The following TTC31 variants were observed in gnomAD, a reference collection of about 807,000 sequenced individuals.
TTC31 encodes the protein tetratricopeptide repeat protein 31.
A neutral mutation model predicts 60.4 loss-of-function variants in TTC31; 59 were observed. The observed-to-expected ratio is 0.98, with a 90% CI of 0.79 to 1.21. The LOEUF (loss-of-function observed/expected upper bound fraction) is 1.21, where lower values mean the gene tolerates loss of function less well. Among genes scored for constraint, TTC31 ranks in the 50% most tolerant of loss-of-function variants. The pLI, the probability that TTC31 is intolerant of heterozygous loss-of-function variation, is 0.00. For synonymous variants in TTC31, 225 were observed against 249.6 expected (o/e 0.90, Z 0.93); for missense variants, 672 against 646.9 (o/e 1.04, Z -0.42).
rs1285523914 is a variant in TTC31, at chr2:74,494,300, G to A, written c.*1082G>A. 6.6e-6 allele frequency: 1 copy of A among 152,190 alleles called. No individual in the cohort carries two copies. Among genetic ancestry groups the A allele is most frequent in the Non-Finnish European group, 1.5e-5 (1 of 68,042 alleles). The allele number at this position is 152,190 out of a possible 1,614,324, so 9.4% of individuals were successfully genotyped here. A position where few individuals can be genotyped will look rare whatever the true frequency, so the allele number is the denominator to read the frequency against. ...AGGTATTGAAACATCTCCTTTATGT[G>A]TGACTTTCCCAAATTTTTAAAAATT... On this transcript the variant is annotated 3_prime_UTR_variant, in exon 13 of 13. Transcript: ENST00000233623.
At chr2:74,483,161 G>C (rs373929649) in intron 1 of TTC31, 26 bp downstream of exon 1, 2 of 1,614,088 alleles carry the variant, frequency 1.2e-6, no homozygotes, top group African/African-American at 2.7e-5. Context: ...AGACCAGTGG[G>C]GGTCTAGGAG....
Position 74,491,667 on chromosome 2 carries a change from G to A in TTC31, c.871G>A (p.Val291Ile). The A allele has an allele frequency of 6.2e-7, 1 of 1,614,012 alleles. No individual in the cohort carries two copies. Among genetic ancestry groups the A allele is most frequent in the South Asian group, 1.1e-5 (1 of 91,076 alleles). Residue 291 changes from valine (V) to isoleucine (I), a missense_variant, in exon 8 of 13, where the codon GTA becomes ATA. Coordinates refer to ENST00000233623, the MANE Select transcript of TTC31 (RefSeq NM_022492.6). Reference protein sequence around the residue: ...REERPQQSPKVQASPGLLAAA... With the variant: ...REERPQQSPKIQASPGLLAAA... ...GGAGAGGCCCCAGCAGAGTCCAAAG[G>A]TACAGGTGAGGTGGCTGAAGAACCT... is the stretch of plus-strand genomic sequence containing the variant.
At chr2:74,489,905 C>G (rs1328016966) in intron 2 of TTC31, 120 bp from the exon 3 acceptor site, 1 of 725,726 alleles carries the variant, frequency 1.4e-6, no homozygotes. Flanking sequence ...CAGTGAGAGT[C>G]TCTGGGCTGG....
intron 5 of TTC31, 100 bp downstream of exon 5, chr2:74,490,839 C>A: frequency 8.0e-7 from 1 of 1,249,248 alleles, no homozygotes; most frequent in Non-Finnish European, 1.1e-6. Flanking sequence ...AGATGGCCTG[C>A]AGTGGACTCT....
intron 2 of TTC31, among the ~76,000 whole-genome samples, chr2:74,488,459 A>G (rs980817720): frequency 1.3e-4 from 20 of 152,274 alleles, no homozygotes; most frequent in African/African-American, 4.6e-4. Context: ...GGCAAATAGG[A>G]ATGTGATCAT....
In TTC31 at chr2:74,493,030, C is replaced by T. The variant is rs767122684; in HGVS notation, c.1372C>T (p.Arg458Ter). The change falls in exon 13 of 13, where the codon CGA becomes TGA. Residue 458 changes from arginine (R) to a stop codon, truncating the protein, a stop_gained. Transcript: ENST00000233623. LOFTEE classifies it low-confidence loss of function (END_TRUNC). The stretch of plus-strand genomic sequence containing the variant: ...AGGCCTACCTTCCCTCAGGTGCCCT[C>T]GAAGCACTGCTTTGAGGTCCCCTGG... ...PSGLPSLRCP[R>*]STALRSPGLS... 29 of 1,614,028 alleles carry T rather than the reference C, an allele frequency of 1.8e-5. No individual in the cohort carries two copies. Among genetic ancestry groups the T allele is most frequent in the Admixed American group, 1.0e-4 (6 of 60,006 alleles).
chr2:74,492,009 T>G lies in TTC31; in HGVS notation c.882T>G (p.Ser294=). The change falls in exon 9 of 13, where the codon TCT becomes TCG. Residue 294 remains serine, a synonymous_variant. Transcript: ENST00000233623. The part of the protein sequence containing the change: ...RPQQSPKVQA[S]PGLLAAALQQ... ...ACTTTGCACCCTATCCCCAGGCATC[T>G]CCGGGACTGCTGGCAGCTGCCTTAC... The G allele has an allele frequency of 3.7e-6, 6 of 1,614,224 alleles. No individual in the cohort carries two copies. Among genetic ancestry groups the G allele is most frequent in the Non-Finnish European group, 5.1e-6 (6 of 1,180,028 alleles).
At chr2:74,486,265 A>G (rs1434646689) in intron 2 of TTC31, among the ~76,000 whole-genome samples, 2 of 140,252 alleles carry the variant, frequency 1.4e-5, no homozygotes, top group Non-Finnish European at 3.1e-5. Context: ...ACTCCGTCTC[A>G]AAAAAAAAAA....
rs754486148 is a variant in TTC31 at position 74,490,340 on chromosome 2, G to A, written c.329G>A (p.Arg110His). The A allele has an allele frequency of 2.5e-5, 41 of 1,613,912 alleles. No individual in the cohort carries two copies. Among genetic ancestry groups the A allele is most frequent in the Middle Eastern group, 1.6e-4 (1 of 6,082 alleles). ...GGACTGGGCACCTACTGTGGTCTCC[G>A]CAAGTCCTTCCTGTATCCTCCCCAA... ...AEGLGTYCGL[R>H]KSFLYPPQES... Residue 110 changes from arginine (R) to histidine (H), a missense_variant, in exon 4 of 13, where the codon CGC becomes CAC. Transcript: ENST00000233623.
intron 1 of TTC31, 71 bp downstream of exon 1, chr2:74,483,206 C>T (rs1483561201): frequency 2.5e-6 from 4 of 1,613,580 alleles, no homozygotes; most frequent in African/African-American, 1.3e-5. Flanking sequence ...CACCTGTGGT[C>T]TGAACGTTTC....
rs1672607333 is a variant in TTC31, at chr2:74,483,104, G to T, written c.9G>T (p.Pro3=). The T allele has an allele frequency of 1.2e-6, 2 of 1,614,104 alleles. No homozygotes were observed. Among genetic ancestry groups the T allele is most frequent in the Non-Finnish European group, 1.7e-6 (2 of 1,180,050 alleles). ...GGGTCACTGTAGATGCGATGGCGCC[G>T]ATTCCAAAGACTGTGGGGCGGATCA... MA[P]IPKTVGRIKL... Residue 3 remains proline (P), a synonymous_variant, in exon 1 of 13, where the codon CCG becomes CCT. Transcript: ENST00000233623.
chr2:74,492,352 G>A lies in TTC31; in HGVS notation c.1068G>A (p.Ala356=), dbSNP rs368315984. ...GCCATGAGCGGTTGGGTCAGCCAGC[G>A]TGGGCCCTGGCTGATGCCCAGGTGG... ...SFCHERLGQP[A]WALADAQVAL... Residue 356 remains alanine (A), a synonymous_variant, in exon 11 of 13, where the codon GCG becomes GCA. Coordinates refer to ENST00000233623, the MANE Select transcript of TTC31 (RefSeq NM_022492.6). 3.3e-5 allele frequency: 52 copies of A among 1,563,654 alleles called. No individual in the cohort carries two copies. The African/African-American group carries it at 4.5e-4, about 13-fold the overall frequency.
chr2:74,484,430 A>G, intron 2 of TTC31, among the ~76,000 whole-genome samples: 1 of 151,688 alleles, frequency 6.6e-6, no homozygotes, highest in East Asian at 1.9e-4. Context: ...AGGGGTTTGG[A>G]TGTTCTCAAG....
chr2:74,492,568 C>T, intron 11 of TTC31, 78 bp from the exon 12 acceptor site: 1 of 1,575,342 alleles, frequency 6.3e-7, no homozygotes, highest in East Asian at 2.2e-5. Context: ...GTACTAGGAG[C>T]AGGGGCCAGT....
chr2:74,484,385 G>T (rs1272132138), intron 2 of TTC31, among the ~76,000 whole-genome samples: 2 of 152,158 alleles, frequency 1.3e-5, no homozygotes, highest in Admixed American at 6.5e-5. Context: ...TGGGAGAGAA[G>T]GCAGCAGATG....
rs1291015585 is a variant in TTC31 at position 74,493,128 on chromosome 2, T to C, written c.1470T>C (p.Ser490=). Residue 490 remains serine, a synonymous_variant, in exon 13 of 13, where the codon AGT becomes AGC. Coordinates refer to ENST00000233623, the MANE Select transcript of TTC31 (RefSeq NM_022492.6). ...HPNQPLSQTQ[S]RRPHPLKPQD... Reference sequence around the variant, plus strand: ...ACCAGCCCCTCTCCCAGACTCAGAGTAGAAGGCCCCATCCTCTCAAGCCCC... The same window carrying C: ...ACCAGCCCCTCTCCCAGACTCAGAGCAGAAGGCCCCATCCTCTCAAGCCCC... 3 of 1,613,724 alleles carry C rather than the reference T, an allele frequency of 1.9e-6. No individual in the cohort carries two copies. In the African/African-American group the frequency reaches 4.0e-5, roughly 22 times the overall value.
intron 5 of TTC31, 48 bp downstream of exon 5, chr2:74,490,787 G>C: frequency 6.4e-7 from 1 of 1,556,586 alleles, no homozygotes; most frequent in Non-Finnish European, 8.7e-7. Context: ...AGGGATTTGG[G>C]AGAGGGAAAG....
intron 8 of TTC31, 96 bp from the exon 9 acceptor site, chr2:74,491,908 G>A: frequency 6.3e-7 from 1 of 1,586,602 alleles, no homozygotes; most frequent in South Asian, 1.1e-5. Flanking sequence ...CATGAGTTGG[G>A]TAATGCTAAT....
intron 2 of TTC31, among the ~76,000 whole-genome samples, chr2:74,489,292 GGC>G (rs1254884192): frequency 6.6e-6 from 1 of 152,216 alleles, no homozygotes; most frequent in Non-Finnish European, 1.5e-5. Flanking sequence ...TTGAAGGTGA[GGC>G]AAGATGTGAG....
Sources: allele counts gnomAD v4.1 joint callset (sites outside exome capture counted in the v4.1 genomes callset), GRCh38; gene constraint gnomAD v4.1.1; transcripts MANE v1.5; gene names NCBI Gene and HGNC (gene_info 2026-07-23, HGNC 2026-07-21).